SRPK2: variants seen among roughly 807,000 people sequenced by gnomAD.
The protein encoded by SRPK2 is SRSF protein kinase 2.
SRPK2 carries 21 observed loss-of-function variants against 90.8 expected under a neutral mutation model. The observed-to-expected ratio is 0.23, with a 90% CI of 0.16 to 0.33. The LOEUF (loss-of-function observed/expected upper bound fraction) is 0.33. SRPK2 is among the 10% of genes least tolerant of loss of function. The pLI, the probability that SRPK2 is intolerant of heterozygous loss-of-function variation, is 1.00. For missense variants in SRPK2, 620 were observed against 869.0 expected, an observed-to-expected ratio of 0.71 and a Z score of 3.60; for synonymous variants, 288 against 311.1, an observed-to-expected ratio of 0.93 and a Z score of 0.78.
intron 3 of SRPK2, chr7:105,189,936 G>A (rs535331447): frequency 6.6e-6 from 1 of 152,594 alleles, no homozygotes; most frequent in East Asian, 1.9e-4. Context: ...GCTGTGGCGT[G>A]ATGGCATGGG....
intron 2 of SRPK2, among the ~76,000 whole-genome samples, chr7:105,256,021 T>A (rs1390371722): frequency 6.6e-6 from 1 of 152,180 alleles, no homozygotes; most frequent in Non-Finnish European, 1.5e-5. Flanking sequence ...TTGAATTTTG[T>A]ACTGTTATTT....
chr7:105,301,169 C>T (rs1237877641), intron 2 of SRPK2, among the ~76,000 whole-genome samples: 2 of 151,936 alleles, frequency 1.3e-5, no homozygotes, highest in Admixed American at 6.5e-5. Context: ...CTTGGCTGGG[C>T]GCAGTGGCTC....
At chr7:105,270,262 T>C (rs918548347) in intron 2 of SRPK2, among the ~76,000 whole-genome samples, 4 of 152,072 alleles carry the variant, frequency 2.6e-5, no homozygotes, top group Non-Finnish European at 4.4e-5. Context: ...GCACAGCGCC[T>C]ATAGCTGGGG....
intron 2 of SRPK2, among the ~76,000 whole-genome samples, chr7:105,230,001 T>C (rs7794036): frequency 0.44 from 66,614 of 152,010 alleles, 15,886 homozygotes; most frequent in Non-Finnish European, 0.53. Flanking sequence ...ATCTGACATA[T>C]AGGTAGATTT....
chr7:105,382,899 G>T (rs1821106857), intron 2 of SRPK2, among the ~76,000 whole-genome samples: 1 of 152,030 alleles, frequency 6.6e-6, no homozygotes, highest in Non-Finnish European at 1.5e-5. Context: ...AATCTTTCTT[G>T]AATTAATAAC....
intron 2 of SRPK2, among the ~76,000 whole-genome samples, chr7:105,226,512 G>GA (rs931442463): frequency 6.6e-6 from 1 of 151,936 alleles, no homozygotes; most frequent in African/African-American, 2.4e-5. Context: ...GCTGGTCTTA[G>GA]AACTCCTGAC....
At position 105,135,985 on chromosome 7, in the gene SRPK2, G is replaced by A. The variant is rs1292971121; in HGVS notation, c.1544-2881C>T. Among the ~76,000 whole-genome samples the A allele has an allele frequency of 2.6e-5, 4 of 151,978 alleles. No homozygotes were observed. In the South Asian group the frequency reaches 6.2e-4, roughly 24 times the overall value. On this transcript the variant is annotated intron_variant, in intron 11 of 15. Transcript: ENST00000393651. The stretch of plus-strand genomic sequence containing the variant: ...TCACCATGTTGGCCAGGCTGGTCTC[G>A]AACTCCTGACATCAAGTGATCTGCC...
At chr7:105,393,627 C>G (rs1822241193), upstream of SRPK2, among the ~76,000 whole-genome samples, 1 of 151,720 alleles carries the variant, frequency 6.6e-6, no homozygotes, top group African/African-American at 2.4e-5. Flanking sequence ...ACATGAGCCA[C>G]CACATTCGGC....
intron 7 of SRPK2, among the ~76,000 whole-genome samples, chr7:105,159,576 A>T (rs1807246688): frequency 6.6e-6 from 1 of 152,132 alleles, no homozygotes; most frequent in East Asian, 1.9e-4. Flanking sequence ...ACACAAATTT[A>T]AACTTCAAAC....
intron 3 of SRPK2, among the ~76,000 whole-genome samples, chr7:105,197,395 G>A (rs532626830): frequency 6.6e-6 from 1 of 152,138 alleles, no homozygotes; most frequent in East Asian, 1.9e-4. Flanking sequence ...GAGAACTATG[G>A]ATGATTTTAA....
At chr7:105,347,041 C>T (rs551716465) in intron 2 of SRPK2, among the ~76,000 whole-genome samples, 119 of 150,358 alleles carry the variant, frequency 7.9e-4, no homozygotes, top group Non-Finnish European at 1.4e-3. Flanking sequence ...TTATCTTTTA[C>T]TTGGCTATGA....
Position 105,146,675 on chromosome 7 carries a change from C to G in SRPK2, c.622-17G>C, listed in dbSNP as rs1216808604. On this transcript the variant is annotated splice_polypyrimidine_tract_variant and intron_variant, in intron 7 of 15. Transcript: ENST00000393651. ...TTGAAGGACCTGGATATAGTAAAAT[C>G]AAGAGAGAAGATAAGCTATTAATAT... 1.2e-6 allele frequency: 2 copies of G among 1,612,352 alleles called. No individual in the cohort carries two copies. The highest frequency in any genetic ancestry group is 3.3e-5 in the Admixed American group (2 of 59,860).
At chr7:105,157,331 G>C (rs1806653797) in intron 7 of SRPK2, among the ~76,000 whole-genome samples, 1 of 152,140 alleles carries the variant, frequency 6.6e-6, no homozygotes, top group African/African-American at 2.4e-5. Flanking sequence ...AGGATACTAA[G>C]AAAATACTAA....
intron 3 of SRPK2, among the ~76,000 whole-genome samples, chr7:105,202,258 C>T (rs1795659471): frequency 6.6e-6 from 1 of 152,156 alleles, no homozygotes; most frequent in South Asian, 2.1e-4. Flanking sequence ...TCTGAACCAA[C>T]ATACAAATGA....
intron 2 of SRPK2, among the ~76,000 whole-genome samples, chr7:105,316,377 A>G (rs1812314054): frequency 1.3e-5 from 2 of 152,254 alleles, no homozygotes; most frequent in African/African-American, 4.8e-5. Context: ...TCACCACTCA[A>G]TCAAGACACT....
intron 2 of SRPK2, among the ~76,000 whole-genome samples, chr7:105,206,908 A>G (rs773611644): frequency 1.3e-5 from 2 of 152,236 alleles, no homozygotes; most frequent in Non-Finnish European, 1.5e-5. Flanking sequence ...ATTCCTGGCC[A>G]TAAGTGATGA....
intron 2 of SRPK2, among the ~76,000 whole-genome samples, chr7:105,359,847 A>G (rs772076482): frequency 2.6e-5 from 4 of 152,162 alleles, no homozygotes; most frequent in Admixed American, 6.6e-5. Context: ...AGAAGAATGT[A>G]TATTCCGTTG....
At chr7:105,210,190 C>T (rs1345960894) in intron 2 of SRPK2, among the ~76,000 whole-genome samples, 2 of 152,182 alleles carry the variant, frequency 1.3e-5, no homozygotes, top group African/African-American at 2.4e-5. Context: ...CTCTCCTTTG[C>T]TATCAGCTTA....
chr7:105,169,306 G>A (rs773311739), intron 3 of SRPK2, 41 bp from the exon 4 acceptor site: 15 of 1,453,190 alleles, frequency 1.0e-5, no homozygotes, highest in Non-Finnish European at 1.3e-5. Context: ...CAAAATATTC[G>A]AAAAGTAGTA....
Sources: allele counts gnomAD v4.1 joint callset (sites outside exome capture counted in the v4.1 genomes callset), GRCh38; gene constraint gnomAD v4.1.1; transcripts MANE v1.5; gene names NCBI Gene and HGNC (gene_info 2026-07-23, HGNC 2026-07-21).